Variants in PPP3CC observed in about 807,000 individuals in gnomAD.
PPP3CC encodes serine/threonine-protein phosphatase 2B catalytic subunit gamma isoform.
Under a neutral mutation model 60.3 loss-of-function variants are expected in PPP3CC, and 35 were observed. The observed-to-expected ratio is 0.58, with a 90% CI of 0.44 to 0.77. The LOEUF is 0.77. Ranked by LOEUF, PPP3CC falls within the 30% of genes least tolerant of loss-of-function variation. PPP3CC has a pLI of 0.00. For synonymous variants in PPP3CC, 206 were observed against 224.3 expected, an observed-to-expected ratio of 0.92 and a Z score of 0.73; for missense variants, 570 against 628.9, an observed-to-expected ratio of 0.91 and a Z score of 1.00.
chr8:22,476,241 C>G (rs1837884185), intron 3 of PPP3CC, among the ~76,000 whole-genome samples: 1 of 152,168 alleles, frequency 6.6e-6, no homozygotes, highest in East Asian at 1.9e-4. Context: ...TATGCAAGGA[C>G]TTGAGTACAG....
chr8:22,525,214 A>T (rs527434723), intron 8 of PPP3CC, among the ~76,000 whole-genome samples: 1 of 152,294 alleles, frequency 6.6e-6, no homozygotes, highest in South Asian at 2.1e-4. Flanking sequence ...CGGCTTTGAC[A>T]TAATTAGTAA....
At chr8:22,454,066 C>T (rs1200069700) in intron 1 of PPP3CC, among the ~76,000 whole-genome samples, 1 of 152,130 alleles carries the variant, frequency 6.6e-6, no homozygotes, top group Non-Finnish European at 1.5e-5. Flanking sequence ...TTAGCCTTAG[C>T]TTACTGTAAC....
Position 22,525,491 on chromosome 8 carries a change from C to CTTCTTTCTTTCTTTCTTTCTTTCT in PPP3CC, c.944-1876_944-1853dup, listed in dbSNP as rs199717558. Among the ~76,000 whole-genome samples the CTTCTTTCTTTCTTTCTTTCTTTCT allele has an allele frequency of 1.1e-3, 140 of 128,652 alleles. 2 individuals carry two copies. Among genetic ancestry groups the CTTCTTTCTTTCTTTCTTTCTTTCT allele is most frequent in the South Asian group, 2.8e-3 (10 of 3,564 alleles). 84.4% of individuals were successfully genotyped at this position (128,652 alleles called of 152,430 possible). A position where few individuals can be genotyped will look rare whatever the true frequency, so the allele number is the denominator to read the frequency against. The stretch of plus-strand genomic sequence containing the variant: ...TTTCTTTTTCTTTCTGCTTCCTTTT[C>CTTCTTTCTTTCTTTCTTTCTTTCT]TTCTTTCTTTCTTTCTTTCTTTCTT... On this transcript the variant is annotated intron_variant, in intron 8 of 13. Coordinates refer to ENST00000240139, the MANE Select transcript of PPP3CC (RefSeq NM_005605.5).
Position 22,441,267 on chromosome 8 carries a change from G to C in PPP3CC, c.-143G>C. The C allele has an allele frequency of 1.4e-6, 1 of 733,666 alleles. No individual in the cohort carries two copies. Among genetic ancestry groups the C allele is most frequent in the Non-Finnish European group, 2.0e-6 (1 of 494,938 alleles). The allele number at this position is 733,666 out of a possible 1,614,324, so 45.4% of individuals were successfully genotyped here. A position where few individuals can be genotyped will look rare whatever the true frequency, so the allele number is the denominator to read the frequency against. ...GCTGCGGTGGCCGCGCCCTTCTGGTGCTCGGACACCGCTGAGGAGCCGGGG... is the reference window on the plus strand; with the variant it reads ...GCTGCGGTGGCCGCGCCCTTCTGGTCCTCGGACACCGCTGAGGAGCCGGGG... On this transcript the variant is annotated 5_prime_UTR_variant, in exon 1 of 14. Coordinates refer to ENST00000240139, the MANE Select transcript of PPP3CC (RefSeq NM_005605.5).
intron 1 of PPP3CC, among the ~76,000 whole-genome samples, chr8:22,447,946 T>A (rs1390533667): frequency 6.6e-6 from 1 of 152,222 alleles, no homozygotes; most frequent in Non-Finnish European, 1.5e-5. Context: ...ATTACTAGAT[T>A]TACTAATTGC....
intron 1 of PPP3CC, among the ~76,000 whole-genome samples, chr8:22,448,002 C>T (rs1490911621): frequency 1.3e-5 from 2 of 151,964 alleles, no homozygotes; most frequent in Non-Finnish European, 2.9e-5. Flanking sequence ...CAATGTCAGC[C>T]CAAGAGACTG....
chr8:22,451,131 A>G (rs11782960), intron 1 of PPP3CC, among the ~76,000 whole-genome samples: 95,496 of 144,426 alleles, frequency 0.66, 31,661 homozygotes, highest in African/African-American at 0.82. Context: ...GAGCCACCGC[A>G]CCCGGCCCAT....
At chr8:22,508,814 T>C (rs918692547) in intron 4 of PPP3CC, among the ~76,000 whole-genome samples, 6 of 152,234 alleles carry the variant, frequency 3.9e-5, no homozygotes, top group Non-Finnish European at 7.3e-5. Flanking sequence ...TGTTTTTTAC[T>C]TCCAACAGAC....
intron 3 of PPP3CC, among the ~76,000 whole-genome samples, chr8:22,487,795 CAGATGAGCAGGTGATATAAATGTTATT>C (rs1395927543): frequency 1.3e-5 from 2 of 152,102 alleles, no homozygotes; most frequent in Non-Finnish European, 2.9e-5. Context: ...AAAATGTTAT[CAGATGAGCAGGTGATATAAATGTTATT>C]AGATGACCAA....
Position 22,532,366 on chromosome 8 carries a change from G to C in PPP3CC, c.1223+60G>C, listed in dbSNP as rs1243603202. ...GCATTTTGAGAGTAAATTAGACGTC[G>C]AATTCAGAACAGTTTTTTTATAATT... On this transcript the variant is annotated intron_variant, in intron 11 of 13. Transcript: ENST00000240139. The C allele has an allele frequency of 6.4e-6, 9 of 1,399,210 alleles. No individual in the cohort carries two copies. The East Asian group carries it at 1.8e-4, about 28-fold the overall frequency. 86.7% of individuals were successfully genotyped at this position (1,399,210 alleles called of 1,614,324 possible). A position where few individuals can be genotyped will look rare whatever the true frequency, so the allele number is the denominator to read the frequency against.
intron 1 of PPP3CC, among the ~76,000 whole-genome samples, chr8:22,471,711 T>C (rs1162019198): frequency 6.6e-6 from 1 of 152,186 alleles, no homozygotes; most frequent in African/African-American, 2.4e-5. Flanking sequence ...GACTGGAAGT[T>C]GCTCTGGGTG....
At chr8:22,451,959 T>C (rs1398194363) in intron 1 of PPP3CC, among the ~76,000 whole-genome samples, 7 of 152,142 alleles carry the variant, frequency 4.6e-5, no homozygotes. Flanking sequence ...TAAGAAGTCA[T>C]ACTTGTCGTC....
intron 1 of PPP3CC, among the ~76,000 whole-genome samples, chr8:22,452,057 A>C (rs1252765987): frequency 6.9e-6 from 1 of 145,280 alleles, no homozygotes; most frequent in Non-Finnish European, 1.5e-5. Flanking sequence ...ATAAGGCCTC[A>C]CTCTGTTGTC....
At chr8:22,522,832 G>C (rs893000585) in intron 8 of PPP3CC, 83 bp downstream of exon 8, 1 of 999,258 alleles carries the variant, frequency 1.0e-6, no homozygotes, top group East Asian at 2.6e-5. Context: ...ATGTGTGTTT[G>C]TGTCATTTTA....
chr8:22,493,265 C>G (rs192268736), intron 3 of PPP3CC, among the ~76,000 whole-genome samples: 43 of 152,104 alleles, frequency 2.8e-4, no homozygotes, highest in Admixed American at 1.8e-3. Flanking sequence ...GACACTGCAG[C>G]TCTTTTCAGT....
intron 3 of PPP3CC, among the ~76,000 whole-genome samples, chr8:22,488,854 C>G (rs999713698): frequency 6.6e-6 from 1 of 152,166 alleles, no homozygotes; most frequent in Non-Finnish European, 1.5e-5. Flanking sequence ...TAAAAGCTTA[C>G]AGGCAGAAGC....
At chr8:22,472,879 A>G (rs545560514) in intron 1 of PPP3CC, among the ~76,000 whole-genome samples, 3 of 152,028 alleles carry the variant, frequency 2.0e-5, no homozygotes, top group Non-Finnish European at 2.9e-5. Context: ...GTTCCCACTC[A>G]TTAGTCAATT....
At chr8:22,466,047 C>T (rs574020604) in intron 1 of PPP3CC, among the ~76,000 whole-genome samples, 3 of 152,148 alleles carry the variant, frequency 2.0e-5, no homozygotes, top group Admixed American at 1.3e-4. Context: ...TCCATGTGAT[C>T]TCATTGTTCA....
At position 22,473,706 on chromosome 8, in the gene PPP3CC, C is replaced by G. The variant is rs918314790; in HGVS notation, c.50-1248C>G. Among the ~76,000 whole-genome samples the G allele has an allele frequency of 1.1e-4, 17 of 151,850 alleles. No individual in the cohort carries two copies. The East Asian group carries it at 2.5e-3, about 23-fold the overall frequency. ...TTTGAACTCCCGACCTCAGGTGATC[C>G]ACCTACCTTGGCCTCCCAAGGTGCT... is the stretch of plus-strand genomic sequence containing the variant. On this transcript the variant is annotated intron_variant, in intron 1 of 13. Coordinates refer to ENST00000240139, the MANE Select transcript of PPP3CC (RefSeq NM_005605.5).
Sources: allele counts gnomAD v4.1 joint callset (sites outside exome capture counted in the v4.1 genomes callset), GRCh38; gene constraint gnomAD v4.1.1; transcripts MANE v1.5; gene names NCBI Gene and HGNC (gene_info 2026-07-23, HGNC 2026-07-21).